Variants in ARIH2 observed in about 807,000 individuals in gnomAD.
ARIH2 encodes ariadne RBR E3 ubiquitin protein ligase 2.
ARIH2 carries 12 observed loss-of-function variants against 79.8 expected under a neutral mutation model. The observed-to-expected ratio is 0.15, with a 90% CI of 0.10 to 0.24. The LOEUF (loss-of-function observed/expected upper bound fraction) is 0.24, where lower values mean the gene tolerates loss of function less well. Ranked by LOEUF, ARIH2 falls within the 10% of genes least tolerant of loss-of-function variation. The pLI is 1.00. For missense variants in ARIH2, 301 were observed against 618.3 expected (o/e 0.49, Z 5.44); for synonymous variants, 224 against 213.9 (o/e 1.05, Z -0.41).
At chr3:48,947,845 C>T (rs1352842900) in intron 3 of ARIH2, among the ~76,000 whole-genome samples, 1 of 152,204 alleles carries the variant, frequency 6.6e-6, no homozygotes, top group Non-Finnish European at 1.5e-5. Flanking sequence ...TCTGTTGCTG[C>T]ATTTGCTTCA....
rs937875958 is a variant in ARIH2 at position 48,975,076 on chromosome 3, A to C, written c.961+97A>C. The C allele has an allele frequency of 4.4e-6, 7 of 1,589,996 alleles. No homozygotes were observed. In the African/African-American group the frequency reaches 9.4e-5, roughly 21 times the overall value. ...GAGTACTTCTGCCATGAAATGACAA[A>C]ACATAGAAGAACCTCAGTCACTTAA... is the stretch of plus-strand genomic sequence containing the variant. On this transcript the variant is annotated intron_variant, in intron 11 of 15. Transcript: ENST00000356401.
At chr3:48,959,329 A>G (rs1356336709) in intron 3 of ARIH2, among the ~76,000 whole-genome samples, 3 of 151,538 alleles carry the variant, frequency 2.0e-5, no homozygotes, top group African/African-American at 7.3e-5. Flanking sequence ...AAAAAAAAAA[A>G]ATACAATAAA....
chr3:48,964,318 ATTT>A (rs572736862), intron 4 of ARIH2, among the ~76,000 whole-genome samples: 1 of 136,796 alleles, frequency 7.3e-6, no homozygotes, highest in Admixed American at 7.5e-5. Flanking sequence ...TATATATAGA[ATTT>A]TTTTTTTTTT....
chr3:48,947,412 G>A (rs527651660), intron 3 of ARIH2, among the ~76,000 whole-genome samples: 15 of 136,552 alleles, frequency 1.1e-4, no homozygotes, highest in Non-Finnish European at 2.3e-4. Flanking sequence ...TTGCACTCCA[G>A]CCTGGGCAAC....
chr3:48,955,705 T>A (rs184896233), intron 3 of ARIH2, among the ~76,000 whole-genome samples: 3 of 152,192 alleles, frequency 2.0e-5, no homozygotes, highest in Non-Finnish European at 2.9e-5. Context: ...ATTTTTACCT[T>A]TAATCTGGCT....
chr3:48,979,379 G>A (rs2092672071), intron 11 of ARIH2, 103 bp from the exon 12 acceptor site: 1 of 1,309,444 alleles, frequency 7.6e-7, no homozygotes, highest in Non-Finnish European at 1.1e-6. Context: ...TTGTGTTCAG[G>A]TGACCCCTTT....
chr3:48,977,861 C>G (rs371836657), intron 11 of ARIH2, among the ~76,000 whole-genome samples: 1 of 152,294 alleles, frequency 6.6e-6, no homozygotes, highest in East Asian at 1.9e-4. Flanking sequence ...ATTGAACAAC[C>G]TCTGGGTCTC....
At chr3:48,929,374 A>G (rs2086072386) in intron 3 of ARIH2, among the ~76,000 whole-genome samples, 1 of 151,790 alleles carries the variant, frequency 6.6e-6, no homozygotes, top group African/African-American at 2.4e-5. Context: ...ATTGTGGTAA[A>G]ATATATGTAA....
chr3:48,966,724 G>C (rs962123105), intron 5 of ARIH2, among the ~76,000 whole-genome samples: 3 of 152,186 alleles, frequency 2.0e-5, no homozygotes, highest in East Asian at 3.9e-4. Flanking sequence ...AGTTGTGAGG[G>C]GCAACTCTGC....
chr3:48,967,593 A>G, intron 6 of ARIH2, among the ~76,000 whole-genome samples: 1 of 152,240 alleles, frequency 6.6e-6, no homozygotes, highest in East Asian at 1.9e-4. Context: ...AGAAATGCCC[A>G]CAAGAGTTTG....
At chr3:48,959,670 A>G (rs1339146419) in intron 3 of ARIH2, among the ~76,000 whole-genome samples, 7 of 145,682 alleles carry the variant, frequency 4.8e-5, no homozygotes, top group African/African-American at 9.8e-5. Context: ...AAAAAAAAAA[A>G]AAAAAGAAAA....
chr3:48,974,731 G>T, intron 9 of ARIH2, 86 bp from the exon 10 acceptor site: 2 of 1,425,604 alleles, frequency 1.4e-6, no homozygotes, highest in Non-Finnish European at 2.0e-6. Context: ...TGAGCAACTG[G>T]GCACAGGTGC....
intron 15 of ARIH2, 83 bp downstream of exon 15, chr3:48,983,062 C>A: frequency 6.7e-7 from 1 of 1,496,230 alleles, no homozygotes; most frequent in Non-Finnish European, 9.3e-7. Context: ...TTGGCTTGTG[C>A]ACTGGTAGCT....
chr3:48,954,419 AGAGT>A (rs1369123305), intron 3 of ARIH2, among the ~76,000 whole-genome samples: 4 of 152,074 alleles, frequency 2.6e-5, no homozygotes, highest in South Asian at 4.2e-4. Context: ...TCGGAGCAAC[AGAGT>A]GAGACTCTGT....
rs34080246 is a variant in ARIH2, at chr3:48,926,242, C to CGTGTGTGTGTGTGT, written c.-97-1209_-97-1196dup. On this transcript the variant is annotated intron_variant, in intron 2 of 15. Coordinates refer to ENST00000356401, the MANE Select transcript of ARIH2 (RefSeq NM_006321.4). Reference sequence around the variant, plus strand: ...TTCTTTTTTGAGATGGAGTTTCCCTCGTGTGTGTGTGTGTGTGTGTGTGTA... The same window carrying CGTGTGTGTGTGTGT: ...TTCTTTTTTGAGATGGAGTTTCCCTCGTGTGTGTGTGTGTGTGTGTGTGTGTGTGTGTGTGTGTA... Among the ~76,000 whole-genome samples, 174 of 148,146 alleles carry CGTGTGTGTGTGTGT rather than the reference C, an allele frequency of 1.2e-3. 2 individuals are homozygous for CGTGTGTGTGTGTGT. The highest frequency in any genetic ancestry group is 4.1e-3 in the African/African-American group (168 of 40,604).
intron 3 of ARIH2, among the ~76,000 whole-genome samples, chr3:48,953,176 C>T (rs1227478396): frequency 2.0e-5 from 3 of 152,082 alleles, no homozygotes; most frequent in Admixed American, 1.3e-4. Flanking sequence ...GTGACCTGCC[C>T]GCCTCGGCCT....
chr3:48,956,833 A>G (rs2090649175), intron 3 of ARIH2, among the ~76,000 whole-genome samples: 1 of 151,340 alleles, frequency 6.6e-6, no homozygotes, highest in Admixed American at 6.6e-5. Flanking sequence ...TGATTTCCCA[A>G]GTAGCTGGGA....
intron 11 of ARIH2, among the ~76,000 whole-genome samples, chr3:48,977,083 TC>T (rs1270150649): frequency 6.6e-6 from 1 of 151,530 alleles, no homozygotes; most frequent in African/African-American, 2.4e-5. Context: ...ACTCCTGTAG[TC>T]CCAGCTATTC....
intron 11 of ARIH2, chr3:48,975,188 C>T: frequency 1.4e-6 from 1 of 712,972 alleles, no homozygotes; most frequent in Non-Finnish European, 2.3e-6. Context: ...ATCTTGCTAA[C>T]ACATATAGTC....
Sources: gnomAD v4.1 joint callset for allele counts (sites outside exome capture counted in the v4.1 genomes callset) on GRCh38, gnomAD v4.1.1 for gene constraint, MANE v1.5 for transcripts, NCBI Gene and HGNC (gene_info 2026-07-23, HGNC 2026-07-21) for gene names.